The following ROBO1 variants were observed in gnomAD, a reference collection of about 807,000 sequenced individuals.
ROBO1 encodes roundabout homolog 1.
In ROBO1, 149 loss-of-function variants were observed where a neutral mutation model predicts 195.9. The observed-to-expected ratio is 0.76, with a 90% CI of 0.67 to 0.87. The LOEUF (loss-of-function observed/expected upper bound fraction) is 0.87, where lower values mean the gene tolerates loss of function less well. Among genes scored for constraint, ROBO1 ranks in the 40% least tolerant of loss-of-function variants. The pLI is 0.00. For synonymous variants in ROBO1, 816 were observed against 733.2 expected (o/e 1.11, Z -1.82); for missense variants, 1,933 against 2,068.3 (o/e 0.93, Z 1.27).
At chr3:78,657,371 G>T in intron 17 of ROBO1, 102 bp from the exon 18 acceptor site, 2 of 1,093,608 alleles carry the variant, frequency 1.8e-6, no homozygotes, top group Non-Finnish European at 2.6e-6. Flanking sequence ...GTACTAAACT[G>T]TCATGCACTA....
At chr3:79,726,322 C>T (rs1347130120) in intron 1 of ROBO1, among the ~76,000 whole-genome samples, 1 of 152,166 alleles carries the variant, frequency 6.6e-6, no homozygotes, top group Non-Finnish European at 1.5e-5. Flanking sequence ...TATCTAACAC[C>T]AACAAAACCT....
intron 3 of ROBO1, among the ~76,000 whole-genome samples, chr3:79,016,980 G>A (rs748314411): frequency 2.6e-5 from 4 of 152,126 alleles, no homozygotes; most frequent in Non-Finnish European, 4.4e-5. Flanking sequence ...GCAAACTAAG[G>A]AAAAATAAGG....
intron 2 of ROBO1, among the ~76,000 whole-genome samples, chr3:79,163,275 A>G (rs1189213264): frequency 3.9e-5 from 6 of 152,110 alleles, no homozygotes; most frequent in Admixed American, 2.0e-4. Context: ...GGAATCATAC[A>G]GTATTTATCT....
chr3:79,161,267 T>C (rs2080959459), intron 2 of ROBO1, among the ~76,000 whole-genome samples: 1 of 152,154 alleles, frequency 6.6e-6, no homozygotes, highest in African/African-American at 2.4e-5. Context: ...TCCTGACTGC[T>C]GCATCTCTTC....
At chr3:79,370,841 C>T (rs1168599524) in intron 2 of ROBO1, among the ~76,000 whole-genome samples, 10 of 151,956 alleles carry the variant, frequency 6.6e-5, no homozygotes, top group Admixed American at 2.6e-4. Flanking sequence ...CCCCTTGCCC[C>T]CCACCCCCTG....
intron 4 of ROBO1, among the ~76,000 whole-genome samples, chr3:78,839,452 A>T (rs2033014918): frequency 6.6e-6 from 1 of 151,256 alleles, no homozygotes; most frequent in South Asian, 2.1e-4. Flanking sequence ...TTTCATTACT[A>T]TGAAATTTTT....
chr3:79,402,095 C>T (rs1162135138), intron 2 of ROBO1, among the ~76,000 whole-genome samples: 3 of 151,374 alleles, frequency 2.0e-5, no homozygotes, highest in African/African-American at 4.9e-5. Context: ...GCTTTGAGAA[C>T]GTAAATCTCA....
chr3:79,654,337 C>T (rs749942292), intron 1 of ROBO1, among the ~76,000 whole-genome samples: 5 of 151,894 alleles, frequency 3.3e-5, no homozygotes, highest in Admixed American at 2.0e-4. Context: ...ATATTTCTTT[C>T]CAGTGGCAAA....
chr3:79,244,820 G>A (rs2082593497), intron 2 of ROBO1, among the ~76,000 whole-genome samples: 1 of 152,010 alleles, frequency 6.6e-6, no homozygotes, highest in African/African-American at 2.4e-5. Context: ...AAGTGTTCAA[G>A]ATAATGCATT....
At chr3:78,835,670 A>C (rs527868486) in intron 4 of ROBO1, among the ~76,000 whole-genome samples, 1 of 152,324 alleles carries the variant, frequency 6.6e-6, no homozygotes, top group East Asian at 1.9e-4. Flanking sequence ...ATGAATTATA[A>C]ATTCTTACAT....
At chr3:79,411,511 T>C (rs935878488) in intron 2 of ROBO1, among the ~76,000 whole-genome samples, 5 of 152,178 alleles carry the variant, frequency 3.3e-5, no homozygotes, top group Non-Finnish European at 5.9e-5. Flanking sequence ...ATTTTCTTGT[T>C]ACCCTCAGGA....
intron 3 of ROBO1, chr3:79,018,792 G>C (rs1006730517): frequency 9.4e-7 from 1 of 1,067,166 alleles, no homozygotes; most frequent in Non-Finnish European, 1.1e-6. Flanking sequence ...CCACGGTCTT[G>C]CGGAGCCTCC....
chr3:79,379,656 C>T (rs542523867), intron 2 of ROBO1, among the ~76,000 whole-genome samples: 1 of 152,254 alleles, frequency 6.6e-6, no homozygotes, highest in South Asian at 2.1e-4. Context: ...CATAATGTGG[C>T]TGAAAGGTAA....
chr3:79,349,505 A>G (rs1393796326), intron 2 of ROBO1, among the ~76,000 whole-genome samples: 2 of 152,160 alleles, frequency 1.3e-5, no homozygotes, highest in Non-Finnish European at 2.9e-5. Flanking sequence ...TAAGAAACTA[A>G]GACTAATTAA....
intron 2 of ROBO1, among the ~76,000 whole-genome samples, chr3:79,420,130 T>A (rs2106928795): frequency 6.6e-6 from 1 of 152,166 alleles, no homozygotes; most frequent in East Asian, 1.9e-4. Flanking sequence ...TATCATTATA[T>A]TCCTACCTGA....
chr3:78,760,129 C>T (rs1036274999), intron 4 of ROBO1, among the ~76,000 whole-genome samples: 2 of 152,128 alleles, frequency 1.3e-5, no homozygotes, highest in African/African-American at 2.4e-5. Context: ...GCTCTCACTC[C>T]TCTTTTCCGC....
At chr3:78,638,315 G>A (rs1705684514) in intron 22 of ROBO1, among the ~76,000 whole-genome samples, 1 of 148,574 alleles carries the variant, frequency 6.7e-6, no homozygotes, top group South Asian at 2.1e-4. Flanking sequence ...ATATATGTGT[G>A]TATATATATA....
chr3:79,248,374 C>CAAAAAA (rs10559171), intron 2 of ROBO1, among the ~76,000 whole-genome samples: 39 of 36,158 alleles, frequency 1.1e-3, no homozygotes, highest in East Asian at 4.2e-3. Flanking sequence ...GAAGACAGAC[C>CAAAAAA]AAAAAAAAAA....
rs1037675896 is a variant in ROBO1, at chr3:78,655,087, T to C, written c.2614+2011A>G. 6.6e-5 allele frequency among the ~76,000 whole-genome samples: 10 copies of C among 152,194 alleles called. No homozygotes were observed. In the East Asian group the frequency reaches 1.9e-3, roughly 29 times the overall value. On this transcript the variant is annotated intron_variant, in intron 18 of 30. Transcript: ENST00000464233. ...AAACAAACCAGGAGCTATTTTTGTT[T>C]AAAAGTTTTATTTCTATATATAATC...
Sources: gnomAD v4.1 joint callset for allele counts (sites outside exome capture counted in the v4.1 genomes callset) on GRCh38, gnomAD v4.1.1 for gene constraint, MANE v1.5 for transcripts, NCBI Gene and HGNC (gene_info 2026-07-23, HGNC 2026-07-21) for gene names.